POF1B: variants seen among roughly 807,000 people sequenced by gnomAD.
The protein encoded by POF1B is protein POF1B.
Under a neutral mutation model 55.3 loss-of-function variants are expected in POF1B, and 53 were observed. The ratio of observed to expected loss-of-function variants is 0.96; its 90% CI spans 0.77 to 1.20. The LOEUF is 1.20. POF1B is among the 50% of genes most tolerant of loss of function. The pLI, the probability that POF1B is intolerant of heterozygous loss-of-function variation, is 0.00. For missense variants in POF1B, 478 were observed against 420.5 expected, an observed-to-expected ratio of 1.14 and a Z score of -1.20; for synonymous variants, 188 against 148.3, an observed-to-expected ratio of 1.27 and a Z score of -1.95.
intron 2 of POF1B, among the ~76,000 whole-genome samples, chrX:85,374,806 T>G (rs917447871): frequency 2.7e-5 from 3 of 112,475 alleles, no homozygotes; most frequent in African/African-American, 9.7e-5. Flanking sequence ...GTTAGGATCT[T>G]TCAAAGCCAT....
intron 5 of POF1B, among the ~76,000 whole-genome samples, chrX:85,347,054 C>CT (rs754487401): frequency 1.1e-4 from 12 of 110,721 alleles, no homozygotes; most frequent in South Asian, 3.8e-4. Flanking sequence ...TTTGTCATGG[C>CT]TTTTTTCTGG....
intron 7 of POF1B, among the ~76,000 whole-genome samples, chrX:85,323,613 T>TA (rs1176865940): frequency 3.8e-5 from 4 of 104,761 alleles, no homozygotes; most frequent in Non-Finnish European, 4.0e-5. Context: ...AAATAAAAAA[T>TA]AAAAAAATAA....
At chrX:85,305,712 C>T in intron 13 of POF1B, 79 bp downstream of exon 13, 2 of 1,082,064 alleles carry the variant, frequency 1.8e-6, no homozygotes, top group African/African-American at 1.9e-5. Context: ...TTTCTGGTAG[C>T]TTTAAACTTG....
At chrX:85,361,654 T>C (rs891564093) in intron 3 of POF1B, among the ~76,000 whole-genome samples, 1 of 111,774 alleles carries the variant, frequency 8.9e-6, no homozygotes, top group African/African-American at 3.3e-5. Context: ...TGTCTCCAGC[T>C]TTGTTCTTTT....
chrX:85,303,976 A>AGGTC (rs1197215867), intron 14 of POF1B, among the ~76,000 whole-genome samples: 1 of 111,148 alleles, frequency 9.0e-6, no homozygotes, highest in Non-Finnish European at 1.9e-5. Flanking sequence ...ATTGAATGCC[A>AGGTC]GGTCATGGGC....
rs760977619 is a variant in POF1B, at chrX:85,324,445, G to A, written c.854+6504C>T. On this transcript the variant is annotated intron_variant, in intron 7 of 16. Transcript: ENST00000262753. ...GTAGGATTGTTAGGTCTTGAATTGA[G>A]CCCTTTACCATTATGTAATGCCCTT... 4.5e-5 allele frequency among the ~76,000 whole-genome samples: 5 copies of A among 110,314 alleles called. No homozygotes were observed. The South Asian group carries it at 2.0e-3, about 44-fold the overall frequency.
intron 2 of POF1B, among the ~76,000 whole-genome samples, chrX:85,377,616 G>C (rs1278336758): frequency 9.0e-6 from 1 of 111,403 alleles, no homozygotes; most frequent in Admixed American, 9.6e-5. Context: ...GCACTTTCTA[G>C]CCCTAAGTTG....
intron 7 of POF1B, among the ~76,000 whole-genome samples, chrX:85,323,458 A>C: frequency 2.5e-5 from 2 of 80,970 alleles, no homozygotes; most frequent in South Asian, 7.4e-4. Context: ...GGTGGGGGGA[A>C]GGGGGAGGGA....
At chrX:85,361,768 A>G (rs1711940088) in intron 3 of POF1B, among the ~76,000 whole-genome samples, 1 of 111,704 alleles carries the variant, frequency 9.0e-6, no homozygotes, top group South Asian at 3.7e-4. Flanking sequence ...GTAGTTTAAT[A>G]GGAATAGCAT....
chrX:85,368,630 C>T (rs1281541863), intron 2 of POF1B, among the ~76,000 whole-genome samples: 1 of 111,428 alleles, frequency 9.0e-6, no homozygotes, highest in South Asian at 3.7e-4. Context: ...CTTAATTATG[C>T]TTTGTCTATT....
chrX:85,336,183 G>C (rs950089363), intron 6 of POF1B, among the ~76,000 whole-genome samples: 3 of 110,694 alleles, frequency 2.7e-5, no homozygotes, highest in Non-Finnish European at 5.7e-5. Flanking sequence ...TAACTGACAG[G>C]ATATCATTCT....
At chrX:85,347,051 T>C (rs1436024547) in intron 5 of POF1B, among the ~76,000 whole-genome samples, 1 of 111,129 alleles carries the variant, frequency 9.0e-6, no homozygotes, top group Non-Finnish European at 1.9e-5. Context: ...TTATTTGTCA[T>C]GGCTTTTTTC....
intron 15 of POF1B, among the ~76,000 whole-genome samples, chrX:85,295,971 C>A (rs1237887718): frequency 8.9e-6 from 1 of 112,470 alleles, no homozygotes; most frequent in Non-Finnish European, 1.9e-5. Context: ...TGAATTGAAC[C>A]CATCATCATT....
intron 7 of POF1B, among the ~76,000 whole-genome samples, chrX:85,326,815 A>G (rs769897131): frequency 1.8e-5 from 2 of 109,366 alleles, no homozygotes; most frequent in Non-Finnish European, 3.8e-5. Flanking sequence ...CTCTTCACTG[A>G]TCAAGTACTG....
intron 15 of POF1B, among the ~76,000 whole-genome samples, chrX:85,295,767 T>A (rs1376394046): frequency 2.7e-5 from 3 of 112,005 alleles, no homozygotes; most frequent in Non-Finnish European, 5.6e-5. Flanking sequence ...AAGCCCGAAA[T>A]TCCTTTGTCA....
chrX:85,320,117 C>G (rs939593133), intron 7 of POF1B, among the ~76,000 whole-genome samples: 1 of 111,102 alleles, frequency 9.0e-6, no homozygotes, highest in Admixed American at 9.6e-5. Context: ...TGTATGTTTT[C>G]AGAAATGTAT....
At chrX:85,296,340 G>C (rs2094394610) in intron 15 of POF1B, among the ~76,000 whole-genome samples, 1 of 111,830 alleles carries the variant, frequency 8.9e-6, no homozygotes, top group Non-Finnish European at 1.9e-5. Flanking sequence ...AGTGTCTGTG[G>C]GATATGTGCT....
At chrX:85,355,160 T>C (rs1268796221) in intron 4 of POF1B, among the ~76,000 whole-genome samples, 1 of 111,350 alleles carries the variant, frequency 9.0e-6, no homozygotes, top group East Asian at 2.8e-4. Context: ...ACCACACATC[T>C]ACAATCACCT....
At chrX:85,335,055 A>G (rs1433244456) in intron 6 of POF1B, among the ~76,000 whole-genome samples, 1 of 111,449 alleles carries the variant, frequency 9.0e-6, no homozygotes, top group East Asian at 2.8e-4. Context: ...ATCCAGTAGA[A>G]CAGTCTTGGC....
Sources: gnomAD v4.1 joint callset for allele counts (sites outside exome capture counted in the v4.1 genomes callset) on GRCh38, gnomAD v4.1.1 for gene constraint, MANE v1.5 for transcripts, NCBI Gene and HGNC (gene_info 2026-07-23, HGNC 2026-07-21) for gene names.